Variants in SPTAN1 observed in about 807,000 individuals in gnomAD.
SPTAN1 encodes the protein spectrin alpha chain, non-erythrocytic 1.
SPTAN1 carries 61 observed loss-of-function variants against 331.3 expected under a neutral mutation model. The observed-to-expected ratio is 0.18, with a 90% CI of 0.15 to 0.23. The LOEUF (loss-of-function observed/expected upper bound fraction) is 0.23. Ranked by LOEUF, SPTAN1 falls within the 10% of genes least tolerant of loss-of-function variation. The probability of loss-of-function intolerance (pLI) is 1.00; values close to 1 mark genes in which losing one functional copy is unlikely to be tolerated. For synonymous variants in SPTAN1, 1,153 were observed against 1,173.9 expected, an observed-to-expected ratio of 0.98 and a Z score of 0.36; for missense variants, 2,043 against 3,147.9, an observed-to-expected ratio of 0.65 and a Z score of 8.40.
intron 31 of SPTAN1, among the ~76,000 whole-genome samples, chr9:128,606,922 C>T (rs937722721): frequency 6.6e-6 from 1 of 152,124 alleles, no homozygotes; most frequent in African/African-American, 2.4e-5. Flanking sequence ...ATTTTCATTG[C>T]CCTAGAATAA....
At chr9:128,628,537 G>A (rs1050119415) in intron 51 of SPTAN1, 2 of 262,138 alleles carry the variant, frequency 7.6e-6, no homozygotes, top group Non-Finnish European at 1.5e-5. Flanking sequence ...GGAGCCCCAG[G>A]GAGGAGCAGG....
At chr9:128,589,434 G>A (rs1166424739) in intron 21 of SPTAN1, among the ~76,000 whole-genome samples, 2 of 151,378 alleles carry the variant, frequency 1.3e-5, no homozygotes, top group African/African-American at 4.8e-5. Context: ...GACTACAGGC[G>A]CCCACCACTG....
At chr9:128,555,384 T>C in intron 1 of SPTAN1, 1 of 1,289,760 alleles carries the variant, frequency 7.8e-7, no homozygotes, top group Non-Finnish European at 1.0e-6. Context: ...CATCGTTTCG[T>C]AAACGCAGAG....
chr9:128,630,515 G>T, intron 52 of SPTAN1, 140 bp downstream of exon 52: 1 of 750,432 alleles, frequency 1.3e-6, no homozygotes. Context: ...AGCAGTCTAG[G>T]GCTCTTCACT....
At chr9:128,560,084 C>CTTT (rs376433063) in intron 1 of SPTAN1, among the ~76,000 whole-genome samples, 103,976 of 129,786 alleles carry the variant, frequency 0.8, 43,060 homozygotes, top group Non-Finnish European at 0.9. Flanking sequence ...TCCACCTCAC[C>CTTT]TTTTTTTTTT....
At chr9:128,575,717 C>G (rs1200797103) in intron 5 of SPTAN1, among the ~76,000 whole-genome samples, 1 of 152,098 alleles carries the variant, frequency 6.6e-6, no homozygotes, top group East Asian at 1.9e-4. Flanking sequence ...AGGGCTCTTG[C>G]CTTCCTTTTT....
At chr9:128,563,838 A>G (rs1052113592) in intron 1 of SPTAN1, among the ~76,000 whole-genome samples, 14 of 150,670 alleles carry the variant, frequency 9.3e-5, no homozygotes, top group Admixed American at 2.0e-4. Context: ...GGGTTTAGCC[A>G]TATTACCTAG....
rs1564210307 is a variant in SPTAN1 at position 128,576,844 on chromosome 9, C to T, written c.673C>T (p.Leu225=). The part of the protein sequence containing the change: ...LIQEQHPEEE[L]IKTKQDEVNA... The stretch of plus-strand genomic sequence containing the variant: ...TTAGGAGCAGCACCCTGAGGAGGAA[C>T]TGATCAAGACTAAGCAGGATGAAGT... The change falls in exon 6 of 57, where the codon CTG becomes TTG. Residue 225 remains leucine, a synonymous_variant. Coordinates refer to ENST00000372739, the MANE Select transcript of SPTAN1 (RefSeq NM_001130438.3). The T allele has an allele frequency of 6.2e-7, 1 of 1,613,932 alleles. No individual in the cohort carries two copies. Among genetic ancestry groups the T allele is most frequent in the East Asian group, 2.2e-5 (1 of 44,890 alleles).
chr9:128,579,837 AC>A, intron 10 of SPTAN1, 99 bp downstream of exon 10: 1 of 980,176 alleles, frequency 1.0e-6, no homozygotes, highest in Non-Finnish European at 1.6e-6. Context: ...GAACGCATTC[AC>A]CATGATATGT....
chr9:128,578,333 C>T (rs1851539925), intron 9 of SPTAN1, 88 bp downstream of exon 9: 2 of 1,546,818 alleles, frequency 1.3e-6, no homozygotes, highest in Admixed American at 1.7e-5. Flanking sequence ...CTATAGTCGG[C>T]GTTGGTACCA....
rs192147350 is a variant in SPTAN1, at chr9:128,633,047, G to A, written c.7308+92G>A. On this transcript the variant is annotated intron_variant, in intron 56 of 56. Transcript: ENST00000372739. ...CTGAGTCTGGGGTAACAGGCCCTGC[G>A]CTGGGTATTCTCCCCATTTACAAAT... The A allele has an allele frequency of 2.1e-4, 329 of 1,593,658 alleles. 1 individual carries two copies. In the African/African-American group the frequency reaches 3.6e-3, roughly 18 times the overall value.
At chr9:128,589,246 T>C (rs547636172) in intron 21 of SPTAN1, among the ~76,000 whole-genome samples, 1 of 152,272 alleles carries the variant, frequency 6.6e-6, no homozygotes, top group South Asian at 2.1e-4. Context: ...GTTTGCTTTC[T>C]GTATAACTTG....
At chr9:128,624,209 C>G in intron 45 of SPTAN1, 119 bp from the exon 46 acceptor site, 3 of 1,123,564 alleles carry the variant, frequency 2.7e-6, no homozygotes, top group South Asian at 1.3e-5. Flanking sequence ...GTTTACCCAG[C>G]AGTGGACAGG....
At chr9:128,596,726 C>T (rs1308683081) in intron 24 of SPTAN1, 1 of 152,260 alleles carries the variant, frequency 6.6e-6, no homozygotes, top group Non-Finnish European at 1.5e-5. Context: ...GGGTCTCACT[C>T]TCTCACACAG....
rs2131616851 is a variant in SPTAN1 at position 128,607,928 on chromosome 9, A to G, written c.4223A>G (p.His1408Arg). 3 of 1,614,104 alleles carry G rather than the reference A, an allele frequency of 1.9e-6. No homozygotes were observed. Among genetic ancestry groups the G allele is most frequent in the Non-Finnish European group, 2.5e-6 (3 of 1,180,028 alleles). Residue 1408 changes from histidine to arginine, a missense_variant, in exon 33 of 57, where the codon CAC becomes CGC. His to Arg is a conservative substitution (Grantham distance 29). This residue lies in a region of SPTAN1 where 179 missense variants were observed against 215.7 expected (regional missense o/e 0.83). Transcript: ENST00000372739. ...FEQFGQQLLAHGHYASPEIKQ... is the reference protein window; with the variant it reads ...FEQFGQQLLARGHYASPEIKQ... Reference sequence around the variant, plus strand: ...CAGTTTGGACAGCAGCTGTTGGCTCACGGACACTATGCCAGCCCTGAGATC... The same window carrying G: ...CAGTTTGGACAGCAGCTGTTGGCTCGCGGACACTATGCCAGCCCTGAGATC...
intron 1 of SPTAN1, among the ~76,000 whole-genome samples, chr9:128,566,244 G>A (rs557545175): frequency 3.9e-5 from 6 of 152,144 alleles, no homozygotes; most frequent in Non-Finnish European, 5.9e-5. Context: ...TTTTAGTAGA[G>A]ACGGTGTTTC....
Position 128,584,473 on chromosome 9 carries a change from T to A in SPTAN1, c.2385T>A (p.Asp795Glu). 2 of 1,614,118 alleles carry A rather than the reference T, an allele frequency of 1.2e-6. No homozygotes were observed. Among genetic ancestry groups the A allele is most frequent in the Non-Finnish European group, 1.7e-6 (2 of 1,180,022 alleles). Reference protein sequence around the residue: ...RLQQLFRDVEDEETWIREKEP... With the variant: ...RLQQLFRDVEEEETWIREKEP... ...AGCAGCTCTTCCGGGATGTTGAGGA[T>A]GAGGAGACGTGGATTCGAGAGAAAG... Residue 795 changes from aspartate (D) to glutamate (E), a missense_variant, in exon 17 of 57, where the codon GAT (aspartate) becomes GAA (glutamate). Coordinates refer to ENST00000372739, the MANE Select transcript of SPTAN1 (RefSeq NM_001130438.3).
At chr9:128,575,124 C>A in intron 4 of SPTAN1, 75 bp from the exon 5 acceptor site, 1 of 1,590,618 alleles carries the variant, frequency 6.3e-7, no homozygotes, top group South Asian at 1.1e-5. Flanking sequence ...CCTAATGTGT[C>A]TGTTTGATGT....
intron 1 of SPTAN1, among the ~76,000 whole-genome samples, chr9:128,557,368 A>G (rs1848753080): frequency 6.6e-6 from 1 of 152,190 alleles, no homozygotes; most frequent in African/African-American, 2.4e-5. Flanking sequence ...GGGATTCCAT[A>G]GAGAAACTGA....
Sources: allele counts gnomAD v4.1 joint callset (sites outside exome capture counted in the v4.1 genomes callset), GRCh38; gene constraint gnomAD v4.1.1; regional missense constraint gnomAD v4.1.1; transcripts MANE v1.5; gene names NCBI Gene and HGNC (gene_info 2026-07-23, HGNC 2026-07-21).